Variants in MARCHF6 observed in about 807,000 individuals in gnomAD.
MARCHF6 encodes E3 ubiquitin-protein ligase MARCHF6.
In MARCHF6, 31 loss-of-function variants were observed where a neutral mutation model predicts 133.7. The ratio of observed to expected loss-of-function variants is 0.23; its 90% confidence interval spans 0.17 to 0.31. MARCHF6 has a LOEUF of 0.31. MARCHF6 is among the 10% of genes least tolerant of loss of function. The probability of loss-of-function intolerance (pLI) is 1.00; values close to 1 mark genes in which losing one functional copy is unlikely to be tolerated. For missense variants in MARCHF6, 723 were observed against 1,121.6 expected, an observed-to-expected ratio of 0.64 and a Z score of 5.08; for synonymous variants, 395 against 402.5, an observed-to-expected ratio of 0.98 and a Z score of 0.22.
intron 6 of MARCHF6, 74 bp from the exon 7 acceptor site, chr5:10,391,468 A>G (rs1490595779): frequency 2.9e-5 from 6 of 208,966 alleles, no homozygotes; most frequent in Admixed American, 1.0e-4. Flanking sequence ...TTTTTTTAGC[A>G]GGAATAATGT....
rs1319544424 is a variant in MARCHF6, at chr5:10,353,860, G to A, written c.-39G>A. On this transcript the variant is annotated 5_prime_UTR_variant, in exon 1 of 26. Transcript: ENST00000274140. ...TCCCTCTTTCCCCGCCCGGCCGCGG[G>A]AGCCTCGTGGCTGCGTCACCGCCGC... The A allele has an allele frequency of 1.3e-6, 2 of 1,553,840 alleles. No individual in the cohort carries two copies. The highest frequency in any genetic ancestry group is 2.4e-5 in the South Asian group (2 of 85,044).
At chr5:10,358,262 G>A (rs1735602307) in intron 1 of MARCHF6, among the ~76,000 whole-genome samples, 1 of 152,162 alleles carries the variant, frequency 6.6e-6, no homozygotes, top group Admixed American at 6.5e-5. Context: ...AGAAGAGTAA[G>A]TATAATATGA....
rs1490562294 is a variant in MARCHF6 at position 10,430,283 on chromosome 5, AGGTTTTTTTTTTTTGGTGGT to A, written c.2642+270_2642+289del. On this transcript the variant is annotated intron_variant, in intron 25 of 25. Coordinates refer to ENST00000274140, the MANE Select transcript of MARCHF6 (RefSeq NM_005885.4). ...CTGGGTGAAACTGTTTTGGAGAGGG[AGGTTTTTTTTTTTTGGTGGT>A]GGTTTTTTTTTTTTTTTTTTTGAGA... 5.4e-3 allele frequency among the ~76,000 whole-genome samples: 610 copies of A among 112,802 alleles called. 3 individuals are homozygous for A. Among genetic ancestry groups the A allele is most frequent in the African/African-American group, 0.018 (547 of 29,870 alleles). 74.0% of individuals were successfully genotyped at this position (112,802 alleles called of 152,430 possible).
intron 16 of MARCHF6, among the ~76,000 whole-genome samples, chr5:10,406,535 G>A (rs530003238): frequency 5.3e-5 from 8 of 151,638 alleles, no homozygotes; most frequent in East Asian, 3.9e-4. Flanking sequence ...GATTACAGGC[G>A]CCCACCACCA....
chr5:10,405,440 G>C, intron 15 of MARCHF6, 118 bp from the exon 16 acceptor site: 1 of 775,472 alleles, frequency 1.3e-6, no homozygotes, highest in East Asian at 3.1e-5. Context: ...ACATTTTCTG[G>C]GGCCCACTTT....
intron 1 of MARCHF6, 88 bp downstream of exon 1, chr5:10,354,005 C>T: frequency 4.4e-6 from 6 of 1,355,124 alleles, no homozygotes; most frequent in Non-Finnish European, 5.8e-6. Flanking sequence ...AGGTGGGCTG[C>T]TGGATCGCGG....
chr5:10,370,969 C>T (rs3844307), intron 1 of MARCHF6, among the ~76,000 whole-genome samples: 22 of 152,246 alleles, frequency 1.4e-4, no homozygotes, highest in African/African-American at 4.3e-4. Context: ...AAAACATTCA[C>T]GATAACCTGG....
At chr5:10,379,088 A>G (rs1198542986) in intron 3 of MARCHF6, among the ~76,000 whole-genome samples, 2 of 150,902 alleles carry the variant, frequency 1.3e-5, no homozygotes, top group East Asian at 3.9e-4. Context: ...TTTAAAATTT[A>G]TTTACTTTTA....
chr5:10,385,194 G>A (rs1737393391), intron 4 of MARCHF6, among the ~76,000 whole-genome samples: 1 of 152,238 alleles, frequency 6.6e-6, no homozygotes, highest in South Asian at 2.1e-4. Context: ...TGTTGCCTGG[G>A]AAGAAGCTTG....
chr5:10,415,468 A>G lies in MARCHF6; in HGVS notation c.1967-20A>G. Reference sequence around the variant, plus strand: ...CTTTACCTAGCCACATGTCTCATTTATCAGCTTTTCTATTTTCAGTATTTG... The same window carrying G: ...CTTTACCTAGCCACATGTCTCATTTGTCAGCTTTTCTATTTTCAGTATTTG... On this transcript the variant is annotated intron_variant, in intron 20 of 25. Coordinates refer to ENST00000274140, the MANE Select transcript of MARCHF6 (RefSeq NM_005885.4). 1.2e-6 allele frequency: 2 copies of G among 1,602,362 alleles called. No homozygotes were observed. Among genetic ancestry groups the G allele is most frequent in the Non-Finnish European group, 1.7e-6 (2 of 1,170,744 alleles).
intron 23 of MARCHF6, among the ~76,000 whole-genome samples, chr5:10,425,111 A>G (rs1181824658): frequency 2.0e-5 from 3 of 152,248 alleles, no homozygotes; most frequent in African/African-American, 4.8e-5. Flanking sequence ...TATGAGAAGT[A>G]AAGACAGTAG....
chr5:10,431,650 T>A lies in MARCHF6; in HGVS notation c.2642+1622T>A, dbSNP rs556172587. 3.5e-4 allele frequency among the ~76,000 whole-genome samples: 49 copies of A among 141,486 alleles called. No homozygotes were observed. In the East Asian group the frequency reaches 4.7e-3, roughly 13 times the overall value. The allele number at this position is 141,486 out of a possible 152,430, so 92.8% of individuals were successfully genotyped here. On this transcript the variant is annotated intron_variant, in intron 25 of 25. Transcript: ENST00000274140. The stretch of plus-strand genomic sequence containing the variant: ...GAGTGTGTGTGTGTGTGTGTGTGTG[T>A]GAGAGTGTATGTGTGTGTGTGGTGG...
At chr5:10,378,005 A>G in intron 2 of MARCHF6, 111 bp downstream of exon 2, 1 of 662,738 alleles carries the variant, frequency 1.5e-6, no homozygotes, top group East Asian at 2.7e-5. Context: ...TAAAAGTTTT[A>G]TTGTATTTTC....
chr5:10,425,212 A>C (rs1740019719), intron 23 of MARCHF6, among the ~76,000 whole-genome samples: 1 of 152,150 alleles, frequency 6.6e-6, no homozygotes, highest in South Asian at 2.1e-4. Context: ...GGAGCCAGCA[A>C]ATTGCAGTGT....
At chr5:10,362,807 C>G (rs553696713) in intron 1 of MARCHF6, among the ~76,000 whole-genome samples, 19 of 152,168 alleles carry the variant, frequency 1.2e-4, no homozygotes, top group Non-Finnish European at 2.1e-4. Flanking sequence ...TGGCAGTCAC[C>G]TTAAAAAATT....
intron 10 of MARCHF6, among the ~76,000 whole-genome samples, chr5:10,400,270 C>G (rs1306735966): frequency 2.6e-5 from 4 of 152,158 alleles, no homozygotes; most frequent in Non-Finnish European, 5.9e-5. Flanking sequence ...ACTATTCAGT[C>G]AACCCAAACC....
At chr5:10,420,363 A>G (rs953286220) in intron 22 of MARCHF6, among the ~76,000 whole-genome samples, 1 of 152,068 alleles carries the variant, frequency 6.6e-6, no homozygotes, top group Non-Finnish European at 1.5e-5. Flanking sequence ...TGCAGTGTGA[A>G]AGTGGTTATT....
intron 1 of MARCHF6, among the ~76,000 whole-genome samples, chr5:10,377,020 C>T (rs1164714342): frequency 6.6e-6 from 1 of 152,040 alleles, no homozygotes; most frequent in Non-Finnish European, 1.5e-5. Context: ...CTAAGTGGAC[C>T]CGGGTAGGAG....
intron 1 of MARCHF6, among the ~76,000 whole-genome samples, chr5:10,354,891 T>G (rs1464209609): frequency 6.6e-6 from 1 of 152,144 alleles, no homozygotes; most frequent in Non-Finnish European, 1.5e-5. Flanking sequence ...AGTGCAATAA[T>G]GAGTGAAAAA....
Sources: gnomAD v4.1 joint callset for allele counts (sites outside exome capture counted in the v4.1 genomes callset) on GRCh38, gnomAD v4.1.1 for gene constraint, MANE v1.5 for transcripts, NCBI Gene and HGNC (gene_info 2026-07-23, HGNC 2026-07-21) for gene names.